MACROD2: variants seen among roughly 807,000 people sequenced by gnomAD.
The protein encoded by MACROD2 is mono-ADP ribosylhydrolase 2, also known as ADP-ribose glycohydrolase MACROD2.
Under a neutral mutation model 70.4 loss-of-function variants are expected in MACROD2, and 36 were observed. The observed-to-expected ratio is 0.51, with a 90% CI of 0.39 to 0.68. MACROD2 has a LOEUF of 0.68. Among genes scored for constraint, MACROD2 ranks in the 30% least tolerant of loss-of-function variants. The pLI is 0.00. For missense variants in MACROD2, 496 were observed against 538.4 expected, an observed-to-expected ratio of 0.92 and a Z score of 0.78; for synonymous variants, 172 against 178.8, an observed-to-expected ratio of 0.96 and a Z score of 0.30.
At chr20:14,377,709 T>A (rs754611406) in intron 3 of MACROD2, among the ~76,000 whole-genome samples, 30 of 152,372 alleles carry the variant, frequency 2.0e-4, no homozygotes, top group Admixed American at 6.5e-4. Context: ...GCATTTTGCT[T>A]TACTTAATTC....
At chr20:14,464,322 A>G (rs2084411774) in intron 3 of MACROD2, among the ~76,000 whole-genome samples, 1 of 152,148 alleles carries the variant, frequency 6.6e-6, no homozygotes, top group Admixed American at 6.5e-5. Flanking sequence ...TTATTTGCGT[A>G]GAGGTATTTG....
chr20:14,519,151 G>C (rs1304671512), intron 4 of MACROD2, among the ~76,000 whole-genome samples: 2 of 152,068 alleles, frequency 1.3e-5, no homozygotes, highest in Non-Finnish European at 2.9e-5. Context: ...TTAGTCACTG[G>C]AATCTTTTAC....
intron 8 of MACROD2, among the ~76,000 whole-genome samples, chr20:15,837,804 C>T (rs1429402011): frequency 4.6e-5 from 7 of 152,144 alleles, no homozygotes; most frequent in African/African-American, 1.7e-4. Context: ...GAAGCTGATG[C>T]TTATCCTGTG....
chr20:15,216,717 A>G (rs1281294394), intron 5 of MACROD2, among the ~76,000 whole-genome samples: 1 of 152,142 alleles, frequency 6.6e-6, no homozygotes, highest in Non-Finnish European at 1.5e-5. Flanking sequence ...TGAGAAGTCA[A>G]AGGCAGAAAT....
chr20:15,197,633 C>A (rs1160511000), intron 5 of MACROD2, among the ~76,000 whole-genome samples: 23 of 152,068 alleles, frequency 1.5e-4, no homozygotes, highest in Admixed American at 1.5e-3. Flanking sequence ...CCCTAAGTCC[C>A]CCAAATTAGT....
intron 5 of MACROD2, among the ~76,000 whole-genome samples, chr20:14,790,785 T>G (rs1273406733): frequency 1.3e-5 from 2 of 152,080 alleles, no homozygotes; most frequent in African/African-American, 4.8e-5. Flanking sequence ...TAAGTGGAGT[T>G]TAGACCACAA....
intron 7 of MACROD2, among the ~76,000 whole-genome samples, chr20:15,484,773 C>G (rs1429748770): frequency 6.6e-6 from 1 of 152,170 alleles, no homozygotes; most frequent in African/African-American, 2.4e-5. Flanking sequence ...AATGGATCCC[C>G]TTGGAGTTTC....
At chr20:15,784,001 A>G (rs575042827) in intron 8 of MACROD2, among the ~76,000 whole-genome samples, 1 of 152,290 alleles carries the variant, frequency 6.6e-6, no homozygotes, top group African/African-American at 2.4e-5. Flanking sequence ...CAAATATTAA[A>G]TAGTTTGCAC....
intron 3 of MACROD2, among the ~76,000 whole-genome samples, chr20:14,108,475 T>TA (rs371559271): frequency 0.024 from 2,388 of 98,254 alleles, 59 homozygotes; most frequent in African/African-American, 0.076. Flanking sequence ...GCTAAGTGGA[T>TA]AAAAAAAAAA....
chr20:16,011,333 A>C (rs1358182251), intron 15 of MACROD2, among the ~76,000 whole-genome samples: 7 of 152,346 alleles, frequency 4.6e-5, no homozygotes, highest in African/African-American at 1.7e-4. Context: ...GAATGAGCCA[A>C]TTAACCACAC....
intron 3 of MACROD2, among the ~76,000 whole-genome samples, chr20:14,374,319 T>C (rs1159078717): frequency 6.6e-6 from 1 of 152,194 alleles, no homozygotes; most frequent in Non-Finnish European, 1.5e-5. Context: ...ACTGTCACAT[T>C]ACTTCTTTAC....
At chr20:14,751,974 C>A (rs1286248280) in intron 5 of MACROD2, among the ~76,000 whole-genome samples, 2 of 151,922 alleles carry the variant, frequency 1.3e-5, no homozygotes, top group African/African-American at 4.8e-5. Flanking sequence ...CTTCCTGTGG[C>A]TTCCATAATG....
At chr20:15,437,970 A>C (rs1161734338) in intron 7 of MACROD2, among the ~76,000 whole-genome samples, 3 of 151,978 alleles carry the variant, frequency 2.0e-5, no homozygotes, top group African/African-American at 7.3e-5. Flanking sequence ...AGTCACATGC[A>C]TGTGTCTGTA....
intron 6 of MACROD2, among the ~76,000 whole-genome samples, chr20:15,314,986 A>T (rs1364537879): frequency 6.6e-6 from 1 of 152,218 alleles, no homozygotes; most frequent in African/African-American, 2.4e-5. Flanking sequence ...TTTAAATAGC[A>T]TGGCTAAGCA....
chr20:15,424,331 A>G (rs1185826095), intron 6 of MACROD2, among the ~76,000 whole-genome samples: 2 of 152,236 alleles, frequency 1.3e-5, no homozygotes, highest in Non-Finnish European at 2.9e-5. Context: ...TCCTAGAGTT[A>G]GGCATACCAT....
chr20:14,940,250 C>G (rs1434316929), intron 5 of MACROD2, among the ~76,000 whole-genome samples: 1 of 151,518 alleles, frequency 6.6e-6, no homozygotes, highest in Non-Finnish European at 1.5e-5. Flanking sequence ...GGGAGGAACA[C>G]CTGAGCCCAG....
chr20:15,297,385 C>T (rs909681286), intron 6 of MACROD2, among the ~76,000 whole-genome samples: 3 of 152,126 alleles, frequency 2.0e-5, no homozygotes, highest in Non-Finnish European at 4.4e-5. Context: ...TCCTAAGATC[C>T]AAAAGCTGTC....
chr20:15,204,700 C>A (rs1804045009), intron 5 of MACROD2, among the ~76,000 whole-genome samples: 1 of 152,038 alleles, frequency 6.6e-6, no homozygotes, highest in Admixed American at 6.6e-5. Flanking sequence ...ACCTTTTTCG[C>A]TCAGATTGTG....
chr20:15,313,101 T>A (rs1364499726), intron 6 of MACROD2, among the ~76,000 whole-genome samples: 1 of 152,202 alleles, frequency 6.6e-6, no homozygotes, highest in Non-Finnish European at 1.5e-5. Context: ...GAAAAAATTT[T>A]GTAATCTGCT....
Sources: gnomAD v4.1 joint callset for allele counts (sites outside exome capture counted in the v4.1 genomes callset) on GRCh38, gnomAD v4.1.1 for gene constraint, MANE v1.5 for transcripts, NCBI Gene and HGNC (gene_info 2026-07-23, HGNC 2026-07-21) for gene names.